TRAP1: variants seen among roughly 807,000 people sequenced by gnomAD.
TRAP1 encodes the protein TNF receptor associated protein 1.
A neutral mutation model predicts 89.1 loss-of-function variants in TRAP1; 102 were observed. The observed-to-expected ratio is 1.15, with a 90% confidence interval of 0.98 to 1.35. The LOEUF (loss-of-function observed/expected upper bound fraction) is 1.35. Ranked by LOEUF, TRAP1 falls within the 40% of genes most tolerant of loss-of-function variation. TRAP1 has a pLI of 0.00. For missense variants in TRAP1, 1,256 were observed against 945.3 expected, an observed-to-expected ratio of 1.33 and a Z score of -4.31; for synonymous variants, 508 against 388.0, an observed-to-expected ratio of 1.31 and a Z score of -3.64.
At chr16:3,673,592 A>AT (rs2050945487) in intron 9 of TRAP1, among the ~76,000 whole-genome samples, 1 of 152,064 alleles carries the variant, frequency 6.6e-6, no homozygotes, top group Non-Finnish European at 1.5e-5. Context: ...GATCTTATTA[A>AT]AATGTGGGCT....
intron 6 of TRAP1, among the ~76,000 whole-genome samples, chr16:3,677,181 C>T (rs959578160): frequency 1.3e-5 from 2 of 152,012 alleles, no homozygotes; most frequent in Admixed American, 6.6e-5. Flanking sequence ...TGCAGAAGGT[C>T]GGTCACAGGA....
chr16:3,691,348 C>T (rs995968319), intron 1 of TRAP1, among the ~76,000 whole-genome samples: 1 of 152,202 alleles, frequency 6.6e-6, no homozygotes, highest in Non-Finnish European at 1.5e-5. Flanking sequence ...TCACGAGTAG[C>T]TGGGACCACA....
Position 3,697,787 on chromosome 16 carries a change from G to T in TRAP1, c.89-6802C>A, listed in dbSNP as rs370907890. On this transcript the variant is annotated intron_variant, in intron 1 of 17. Transcript: ENST00000246957. ...TTGGTTTTTCCCCAATTAATATGCA[G>T]AATTTTTTTTTTTTTTCCTCGAGAA... 2.0e-5 allele frequency among the ~76,000 whole-genome samples: 3 copies of T among 150,738 alleles called. No individual in the cohort carries two copies. The South Asian group carries it at 6.3e-4, about 32-fold the overall frequency.
rs529619374 is a variant in TRAP1 at position 3,698,566 on chromosome 16, T to C, written c.89-7581A>G. Among the ~76,000 whole-genome samples the C allele has an allele frequency of 4.5e-3, 680 of 152,048 alleles. 5 individuals are homozygous for C. Among genetic ancestry groups the C allele is most frequent in the African/African-American group, 0.016 (653 of 41,538 alleles). On this transcript the variant is annotated intron_variant, in intron 1 of 17. Coordinates refer to ENST00000246957, the MANE Select transcript of TRAP1 (RefSeq NM_016292.3). ...ATCTGCCCGCCTCAGCCTCCCAAAG[T>C]GCTGGGATTACAGGCGTGAGCCACC... is the stretch of plus-strand genomic sequence containing the variant.
intron 16 of TRAP1, 139 bp from the exon 17 acceptor site, chr16:3,659,004 C>T (rs1050804095): frequency 1.3e-6 from 1 of 797,230 alleles, no homozygotes; most frequent in Non-Finnish European, 2.0e-6. Context: ...TGTTAATGAT[C>T]ATTTATAGAT....
intron 8 of TRAP1, 25 bp downstream of exon 8, chr16:3,675,299 G>T: frequency 6.2e-7 from 1 of 1,610,044 alleles, no homozygotes; most frequent in Non-Finnish European, 8.5e-7. Flanking sequence ...TGTTTGACCA[G>T]TCCCTAGAGG....
At position 3,690,814 on chromosome 16, in the gene TRAP1, G is replaced by A. The variant is rs776187648; in HGVS notation, c.247+13C>T. ...AAAAAGCCCTCCCAGACCAAAGCACGAGCCAAGGCTACCCTGCACGCTCTC... is the reference window on the plus strand; with the variant it reads ...AAAAAGCCCTCCCAGACCAAAGCACAAGCCAAGGCTACCCTGCACGCTCTC... On this transcript the variant is annotated intron_variant, in intron 2 of 17. Transcript: ENST00000246957. The A allele has an allele frequency of 2.5e-5, 35 of 1,380,294 alleles. No homozygotes were observed. Among genetic ancestry groups the A allele is most frequent in the Non-Finnish European group, 2.9e-5 (31 of 1,054,462 alleles). 85.5% of individuals were successfully genotyped at this position (1,380,294 alleles called of 1,614,324 possible). A position where few individuals can be genotyped will look rare whatever the true frequency, so the allele number is the denominator to read the frequency against.
intron 1 of TRAP1, among the ~76,000 whole-genome samples, chr16:3,710,879 A>ATTTTTTT (rs1181110685): frequency 3.2e-4 from 40 of 125,794 alleles, no homozygotes; most frequent in African/African-American, 1.2e-3. Context: ...ATATATATAT[A>ATTTTTTT]TTTTTTTTTT....
intron 11 of TRAP1, among the ~76,000 whole-genome samples, chr16:3,669,151 G>A (rs940477602): frequency 2.0e-5 from 3 of 152,206 alleles, no homozygotes; most frequent in East Asian, 1.9e-4. Context: ...ATAATAATCC[G>A]GGAGTCAGCC....
intron 9 of TRAP1, among the ~76,000 whole-genome samples, chr16:3,673,540 C>T (rs888738855): frequency 5.3e-5 from 8 of 151,986 alleles, no homozygotes; most frequent in African/African-American, 1.7e-4. Flanking sequence ...AAATGTGGGG[C>T]GACCTGGTTA....
intron 15 of TRAP1, 26 bp downstream of exon 15, chr16:3,662,856 G>T: frequency 5.6e-6 from 9 of 1,611,868 alleles, no homozygotes; most frequent in Non-Finnish European, 7.6e-6. Context: ...CGGCCAAGTG[G>T]TGGTCCATCC....
chr16:3,663,583 C>G (rs376788607), intron 13 of TRAP1, 21 bp from the exon 14 acceptor site: 2 of 1,612,958 alleles, frequency 1.2e-6, no homozygotes, highest in African/African-American at 1.3e-5. Context: ...CCAAGAGCAG[C>G]TCCATCAGAC....
At chr16:3,717,376 C>T in intron 1 of TRAP1, 45 bp downstream of exon 1, 2 of 825,598 alleles carry the variant, frequency 2.4e-6, no homozygotes, top group Non-Finnish European at 3.2e-6. Context: ...CTGCCGTCTC[C>T]GTGGCCCGGC....
At chr16:3,703,748 G>C (rs1205005195) in intron 1 of TRAP1, among the ~76,000 whole-genome samples, 1 of 152,126 alleles carries the variant, frequency 6.6e-6, no homozygotes, top group East Asian at 1.9e-4. Flanking sequence ...GGGCGCGGTG[G>C]CTTACGCCTG....
intron 1 of TRAP1, among the ~76,000 whole-genome samples, chr16:3,706,811 T>C (rs2051453723): frequency 6.6e-6 from 1 of 152,098 alleles, no homozygotes; most frequent in Non-Finnish European, 1.5e-5. Context: ...TTCGGGTTAT[T>C]ATGAATAATG....
chr16:3,714,515 T>C (rs2051572048), intron 1 of TRAP1, among the ~76,000 whole-genome samples: 2 of 152,202 alleles, frequency 1.3e-5, no homozygotes, highest in Admixed American at 6.5e-5. Flanking sequence ...AAAACCTAGC[T>C]GGGTGTGGTG....
intron 3 of TRAP1, 149 bp downstream of exon 3, chr16:3,688,906 C>T: frequency 1.6e-6 from 1 of 607,524 alleles, no homozygotes; most frequent in Non-Finnish European, 2.7e-6. Flanking sequence ...TAAAACTCCT[C>T]TCACTGGTAG....
At chr16:3,701,500 G>A (rs2051364106) in intron 1 of TRAP1, among the ~76,000 whole-genome samples, 1 of 148,760 alleles carries the variant, frequency 6.7e-6, no homozygotes, top group Non-Finnish European at 1.5e-5. Flanking sequence ...GCAGTGAGCT[G>A]AGATCGCGCC....
At chr16:3,672,549 T>C (rs765086523) in intron 10 of TRAP1, 151 bp downstream of exon 10, 20 of 1,290,540 alleles carry the variant, frequency 1.5e-5, no homozygotes, top group Non-Finnish European at 2.0e-5. Context: ...TCCCGGGGTC[T>C]GTAAACGCGA....
Sources: allele counts gnomAD v4.1 joint callset (sites outside exome capture counted in the v4.1 genomes callset), GRCh38; gene constraint gnomAD v4.1.1; transcripts MANE v1.5; gene names NCBI Gene and HGNC (gene_info 2026-07-23, HGNC 2026-07-21).